The following TSPAN15 variants were observed in gnomAD, a reference collection of about 807,000 sequenced individuals.
TSPAN15 encodes the protein tetraspanin-15.
Under a neutral mutation model 34.5 loss-of-function variants are expected in TSPAN15, and 20 were observed. The ratio of observed to expected loss-of-function variants is 0.58; its 90% CI spans 0.41 to 0.84. The LOEUF (loss-of-function observed/expected upper bound fraction) is 0.84. Ranked by LOEUF, TSPAN15 falls within the 40% of genes least tolerant of loss-of-function variation. The pLI, the probability that TSPAN15 is intolerant of heterozygous loss-of-function variation, is 0.00. For synonymous variants in TSPAN15, 155 were observed against 153.9 expected, an observed-to-expected ratio of 1.01 and a Z score of -0.05; for missense variants, 313 against 386.1, an observed-to-expected ratio of 0.81 and a Z score of 1.59.
chr10:69,452,649 G>A (rs1840999354), intron 1 of TSPAN15, among the ~76,000 whole-genome samples: 1 of 152,226 alleles, frequency 6.6e-6, no homozygotes, highest in Non-Finnish European at 1.5e-5. Context: ...TGTGGTGTAA[G>A]CTGCCCCAAG....
chr10:69,507,030 T>C lies in TSPAN15; in HGVS notation c.*52T>C. 2 of 1,582,662 alleles carry C rather than the reference T, an allele frequency of 1.3e-6. No homozygotes were observed. Among genetic ancestry groups the C allele is most frequent in the Non-Finnish European group, 1.7e-6 (2 of 1,165,882 alleles). On this transcript the variant is annotated 3_prime_UTR_variant, in exon 8 of 8. Coordinates refer to ENST00000373290, the MANE Select transcript of TSPAN15 (RefSeq NM_012339.5). ...CAAGGACCGTCTGGGATAGCACCTC[T>C]CAGTCAACATCGTGGGGCTGGACAG...
At chr10:69,508,052 G>A (rs549900087), downstream of TSPAN15, among the ~76,000 whole-genome samples, 1 of 152,254 alleles carries the variant, frequency 6.6e-6, no homozygotes, top group Admixed American at 6.5e-5. Context: ...TGCTGGAGAT[G>A]CCGGGACTTG....
chr10:69,546,064 C>G, the TSPAN15 span, among the ~76,000 whole-genome samples: 1 of 152,184 alleles, frequency 6.6e-6, no homozygotes, highest in African/African-American at 2.4e-5. Context: ...TATTTCCTTG[C>G]TATCTACCCA....
At chr10:69,519,438 G>A in the TSPAN15 span, among the ~76,000 whole-genome samples, 1 of 152,048 alleles carries the variant, frequency 6.6e-6, no homozygotes, top group African/African-American at 2.4e-5. Context: ...ATAATATATT[G>A]CTTATGGATG....
the TSPAN15 span, among the ~76,000 whole-genome samples, chr10:69,547,926 A>G: frequency 6.6e-6 from 1 of 152,240 alleles, no homozygotes; most frequent in South Asian, 2.1e-4. Context: ...CCTAGCATTC[A>G]TCTAAAAATC....
chr10:69,539,239 A>C, the TSPAN15 span, among the ~76,000 whole-genome samples: 1 of 151,920 alleles, frequency 6.6e-6, no homozygotes, highest in Non-Finnish European at 1.5e-5. Context: ...TGGACTTCGG[A>C]GACTTGCAGG....
intron 1 of TSPAN15, among the ~76,000 whole-genome samples, chr10:69,483,346 C>T (rs1330766487): frequency 6.6e-6 from 1 of 151,826 alleles, no homozygotes; most frequent in Admixed American, 6.6e-5. Flanking sequence ...CTTCTCCCTG[C>T]GTGTTCACAC....
At chr10:69,467,589 G>A (rs1207786920) in intron 1 of TSPAN15, among the ~76,000 whole-genome samples, 2 of 151,730 alleles carry the variant, frequency 1.3e-5, no homozygotes, top group Non-Finnish European at 2.9e-5. Flanking sequence ...AGTCCAGCCT[G>A]GGCAATAGGG....
chr10:69,526,350 A>G, the TSPAN15 span, among the ~76,000 whole-genome samples: 1 of 148,560 alleles, frequency 6.7e-6, no homozygotes, highest in Admixed American at 6.9e-5. Context: ...AATAATAAAA[A>G]GACAACTCAA....
the TSPAN15 span, among the ~76,000 whole-genome samples, chr10:69,540,502 G>T: frequency 3.9e-5 from 6 of 152,278 alleles, no homozygotes; most frequent in East Asian, 9.7e-4. Context: ...CAATCAGAAG[G>T]CTTCTATTTT....
At chr10:69,484,238 G>A (rs548311739) in intron 2 of TSPAN15, 9 of 184,752 alleles carry the variant, frequency 4.9e-5, no homozygotes, top group Non-Finnish European at 9.0e-5. Flanking sequence ...TTTAGATGGC[G>A]CCACTGGGCA....
chr10:69,527,661 T>C, the TSPAN15 span, among the ~76,000 whole-genome samples: 80,796 of 146,416 alleles, frequency 0.55, 25,592 homozygotes, highest in African/African-American at 0.64. Flanking sequence ...CATCCTGGGC[T>C]GCATGCAACC....
At chr10:69,480,171 A>G (rs755310843) in intron 1 of TSPAN15, among the ~76,000 whole-genome samples, 21 of 152,134 alleles carry the variant, frequency 1.4e-4, no homozygotes, top group South Asian at 4.1e-4. Context: ...AGTTCTGCTC[A>G]GCATTGGGGC....
chr10:69,492,948 C>G (rs951581212), intron 3 of TSPAN15, among the ~76,000 whole-genome samples: 1 of 152,186 alleles, frequency 6.6e-6, no homozygotes, highest in Non-Finnish European at 1.5e-5. Context: ...GGAACCTCCC[C>G]ACGTGTGGCC....
At chr10:69,544,527 G>A in the TSPAN15 span, among the ~76,000 whole-genome samples, 190 of 152,312 alleles carry the variant, frequency 1.2e-3, 3 homozygotes, top group Non-Finnish European at 1.5e-3. Flanking sequence ...TCCAGGCAAG[G>A]CTATGCCTCC....
chr10:69,539,453 AGAAGAAGAAGGAGAAGGAGAAGGAGAAGG>A, the TSPAN15 span, among the ~76,000 whole-genome samples: 5 of 26,670 alleles, frequency 1.9e-4, no homozygotes, highest in South Asian at 1.3e-3. Flanking sequence ...AAGAAGAAGA[AGAAGAAGAAGGAGAAGGAGAAGGAGAAGG>A]AGAAGAAGAA....
the TSPAN15 span, among the ~76,000 whole-genome samples, chr10:69,529,983 C>T: frequency 2.7e-5 from 4 of 147,766 alleles, no homozygotes; most frequent in African/African-American, 9.9e-5. Flanking sequence ...GAATAATGGT[C>T]TCAAGCTCCA....
In TSPAN15 at chr10:69,472,983, T is replaced by A. The variant is rs144499517; in HGVS notation, c.97-10708T>A. Among the ~76,000 whole-genome samples the A allele has an allele frequency of 2.6e-5, 4 of 152,348 alleles. No homozygotes were observed. The East Asian group carries it at 5.8e-4, about 22-fold the overall frequency. On this transcript the variant is annotated intron_variant, in intron 1 of 7. Transcript: ENST00000373290. ...TGTGTGTTGCTGGATCTAGCCACCA[T>A]GTCCTGTATGCTGTCCATAAGAGAT...
At chr10:69,480,977 C>T (rs1032265024) in intron 1 of TSPAN15, among the ~76,000 whole-genome samples, 4 of 152,166 alleles carry the variant, frequency 2.6e-5, no homozygotes, top group East Asian at 1.9e-4. Flanking sequence ...GGATTACAGG[C>T]GTGAGCCACT....
Sources: gnomAD v4.1 joint callset for allele counts (sites outside exome capture counted in the v4.1 genomes callset) on GRCh38, gnomAD v4.1.1 for gene constraint, MANE v1.5 for transcripts, NCBI Gene and HGNC (gene_info 2026-07-23, HGNC 2026-07-21) for gene names.